Variants in CPQ observed in about 807,000 individuals in gnomAD.
CPQ encodes the protein Ser-Met dipeptidase.
A neutral mutation model predicts 45.7 loss-of-function variants in CPQ; 37 were observed. The ratio of observed to expected loss-of-function variants is 0.81; its 90% CI spans 0.62 to 1.07. CPQ has a LOEUF of 1.07. Among genes scored for constraint, CPQ ranks in the 50% least tolerant of loss-of-function variants. CPQ has a pLI of 0.00. For synonymous variants in CPQ, 186 were observed against 205.8 expected (o/e 0.90, Z 0.82); for missense variants, 537 against 572.9 (o/e 0.94, Z 0.64).
At chr8:97,069,475 A>G (rs59514060) in intron 7 of CPQ, among the ~76,000 whole-genome samples, 2,534 of 151,684 alleles carry the variant, frequency 0.017, 69 homozygotes, top group African/African-American at 0.057. Context: ...GTCTCTAAAA[A>G]AAAAAAAAAA....
chr8:96,875,714 T>A (rs1812136576), intron 3 of CPQ, among the ~76,000 whole-genome samples: 1 of 151,978 alleles, frequency 6.6e-6, no homozygotes, highest in Admixed American at 6.6e-5. Context: ...GGTAAGTTTT[T>A]AAATATGGAA....
intron 7 of CPQ, among the ~76,000 whole-genome samples, chr8:97,078,197 A>T (rs1810883150): frequency 6.6e-6 from 1 of 152,196 alleles, no homozygotes; most frequent in Non-Finnish European, 1.5e-5. Context: ...TGACCCTCAT[A>T]GTTGTTGATA....
intron 5 of CPQ, among the ~76,000 whole-genome samples, chr8:97,016,199 A>C (rs976608020): frequency 2.0e-4 from 30 of 152,206 alleles, no homozygotes; most frequent in Admixed American, 1.0e-3. Flanking sequence ...TTATTTAATG[A>C]CTTAGTCAAC....
chr8:96,786,084 A>C (rs146836190), intron 2 of CPQ, among the ~76,000 whole-genome samples: 1,746 of 152,292 alleles, frequency 0.011, 15 homozygotes, highest in Non-Finnish European at 0.017. Context: ...GCGATTTTTA[A>C]TATATTCACA....
At chr8:96,990,078 C>T (rs368694556) in intron 5 of CPQ, among the ~76,000 whole-genome samples, 6 of 152,118 alleles carry the variant, frequency 3.9e-5, no homozygotes, top group Admixed American at 3.9e-4. Flanking sequence ...CACCTCTGAA[C>T]CTTTGCTGAT....
chr8:96,700,782 G>A (rs1205345329), intron 1 of CPQ, among the ~76,000 whole-genome samples: 4 of 152,186 alleles, frequency 2.6e-5, no homozygotes, highest in Non-Finnish European at 4.4e-5. Flanking sequence ...AGAGGACACA[G>A]AGAACATCTC....
chr8:96,868,137 G>A (rs1812018741), intron 3 of CPQ, among the ~76,000 whole-genome samples: 1 of 152,030 alleles, frequency 6.6e-6, no homozygotes, highest in African/African-American at 2.4e-5. Flanking sequence ...TGCTCCATTA[G>A]CGTGGATCCC....
intron 7 of CPQ, 119 bp from the exon 8 acceptor site, chr8:97,142,901 A>G: frequency 1.2e-6 from 1 of 857,224 alleles, no homozygotes; most frequent in Non-Finnish European, 1.8e-6. Context: ...CTGGAAAAGT[A>G]ATTATTTTGC....
At chr8:96,911,195 A>C (rs543366175) in intron 4 of CPQ, among the ~76,000 whole-genome samples, 1 of 151,200 alleles carries the variant, frequency 6.6e-6, no homozygotes, top group Non-Finnish European at 1.5e-5. Flanking sequence ...GTTTGCACCG[A>C]AAGTAGTTAC....
intron 7 of CPQ, among the ~76,000 whole-genome samples, chr8:97,124,498 G>A (rs1024367886): frequency 6.6e-6 from 1 of 152,086 alleles, no homozygotes; most frequent in African/African-American, 2.4e-5. Flanking sequence ...TGCACATGGG[G>A]TATTCACCAT....
rs76463599 is a variant in CPQ, at chr8:97,127,835, C to T, written c.1256-15185C>T. Among the ~76,000 whole-genome samples the T allele has an allele frequency of 2.4e-3, 363 of 152,264 alleles. 2 individuals carry two copies. The highest frequency in any genetic ancestry group is 8.4e-3 in the African/African-American group (350 of 41,536). On this transcript the variant is annotated intron_variant, in intron 7 of 7. Transcript: ENST00000220763. ...TATGCTGAGCAAAAGAAGCCAGACA[C>T]AAGAGATCACACTGTATGATTCCTT...
At chr8:96,843,307 A>G (rs1811641187) in intron 3 of CPQ, among the ~76,000 whole-genome samples, 1 of 152,116 alleles carries the variant, frequency 6.6e-6, no homozygotes, top group South Asian at 2.1e-4. Context: ...TTAACTATTG[A>G]CTGGACATAG....
chr8:96,716,899 A>C (rs1361228761), intron 1 of CPQ, among the ~76,000 whole-genome samples: 2 of 150,886 alleles, frequency 1.3e-5, no homozygotes, highest in East Asian at 2.0e-4. Context: ...AAAGAGCAAA[A>C]CTCCGTCACA....
chr8:97,069,027 G>A (rs1340983188), intron 7 of CPQ, among the ~76,000 whole-genome samples: 1 of 152,162 alleles, frequency 6.6e-6, no homozygotes, highest in Admixed American at 6.5e-5. Context: ...CTGCTCCACA[G>A]TGATTTACCC....
chr8:96,752,965 G>A (rs1215522901), intron 1 of CPQ, among the ~76,000 whole-genome samples: 1 of 151,854 alleles, frequency 6.6e-6, no homozygotes, highest in Non-Finnish European at 1.5e-5. Context: ...GACTTCTTTT[G>A]GTGCTATTAC....
intron 5 of CPQ, among the ~76,000 whole-genome samples, chr8:96,966,333 T>C (rs1393065455): frequency 2.0e-5 from 3 of 152,064 alleles, no homozygotes; most frequent in African/African-American, 7.2e-5. Context: ...GCAAGGAAAA[T>C]ATGATGAAAT....
intron 2 of CPQ, among the ~76,000 whole-genome samples, chr8:96,798,689 A>G (rs1271159133): frequency 6.6e-6 from 1 of 151,852 alleles, no homozygotes; most frequent in African/African-American, 2.4e-5. Flanking sequence ...GAGAATTTAT[A>G]CTAGTTTTTA....
intron 4 of CPQ, among the ~76,000 whole-genome samples, chr8:96,928,808 A>C (rs1812929488): frequency 6.6e-6 from 1 of 152,176 alleles, no homozygotes; most frequent in Admixed American, 6.5e-5. Flanking sequence ...TGATGAAGGA[A>C]AATGATACTC....
At chr8:96,977,706 A>C (rs1813813218) in intron 5 of CPQ, among the ~76,000 whole-genome samples, 1 of 152,232 alleles carries the variant, frequency 6.6e-6, no homozygotes, top group Non-Finnish European at 1.5e-5. Flanking sequence ...CATCATTCTA[A>C]ATGAATTAAC....
Sources: allele counts gnomAD v4.1 joint callset (sites outside exome capture counted in the v4.1 genomes callset), GRCh38; gene constraint gnomAD v4.1.1; transcripts MANE v1.5; gene names NCBI Gene and HGNC (gene_info 2026-07-23, HGNC 2026-07-21).